The following TMEM132D variants were observed in gnomAD, a reference collection of about 807,000 sequenced individuals.
The protein encoded by TMEM132D is mature OL transmembrane protein.
Under a neutral mutation model 62.3 loss-of-function variants are expected in TMEM132D, and 21 were observed. The ratio of observed to expected loss-of-function variants is 0.34; its 90% CI spans 0.24 to 0.49. The LOEUF (loss-of-function observed/expected upper bound fraction) is 0.49, where lower values mean the gene tolerates loss of function less well. Ranked by LOEUF, TMEM132D falls within the 20% of genes least tolerant of loss-of-function variation. The pLI is 0.99. For missense variants in TMEM132D, 1,346 were observed against 1,402.8 expected, an observed-to-expected ratio of 0.96 and a Z score of 0.65; for synonymous variants, 621 against 575.6, an observed-to-expected ratio of 1.08 and a Z score of -1.13.
At position 129,903,999 on chromosome 12, in the gene TMEM132D, C is replaced by T. The variant is rs1043034245; in HGVS notation, c.-660G>A. 4.7e-5 allele frequency among the ~76,000 whole-genome samples: 7 copies of T among 149,616 alleles called. No homozygotes were observed. The highest frequency in any genetic ancestry group is 9.0e-5 in the Non-Finnish European group (6 of 66,998). On this transcript the variant is annotated 5_prime_UTR_variant, in exon 1 of 9. Coordinates refer to ENST00000422113, the MANE Select transcript of TMEM132D (RefSeq NM_133448.3). This position sits in a 1 kb window ranked among gnomAD's most constrained non-coding sequence, Gnocchi z 6.2. ...CGGCCCCGGGCCCGGCTGGGGCTCG[C>T]GGGGCTCTACGCGCGCCGAGCGCAC...
intron 2 of TMEM132D, among the ~76,000 whole-genome samples, chr12:129,671,047 T>C (rs1172646219): frequency 6.6e-6 from 1 of 152,242 alleles, no homozygotes; most frequent in Non-Finnish European, 1.5e-5. Context: ...TTCTTCTGTT[T>C]TGAGTGAGGA....
chr12:129,502,372 C>G (rs1390245176), intron 3 of TMEM132D, among the ~76,000 whole-genome samples: 3 of 152,176 alleles, frequency 2.0e-5, no homozygotes. Flanking sequence ...CAGACAATAG[C>G]TTCTCAATTA....
intron 5 of TMEM132D, among the ~76,000 whole-genome samples, chr12:129,185,792 TATCTATCTATCTATCTATC>T (rs1280939981): frequency 6.0e-5 from 8 of 133,780 alleles, no homozygotes; most frequent in East Asian, 5.7e-4. Flanking sequence ...TCTATCTATC[TATCTATCTATCTATCTATC>T]ATCTATCTAT....
chr12:129,566,558 A>G (rs1462208932), intron 2 of TMEM132D, among the ~76,000 whole-genome samples: 1 of 152,196 alleles, frequency 6.6e-6, no homozygotes, highest in Non-Finnish European at 1.5e-5. Context: ...TAGCAATAAG[A>G]TATCAATGTG....
At chr12:129,443,814 C>T (rs751028521) in intron 3 of TMEM132D, among the ~76,000 whole-genome samples, 14 of 152,158 alleles carry the variant, frequency 9.2e-5, no homozygotes, top group Non-Finnish European at 1.9e-4. Context: ...GATCAATACA[C>T]GTTTCACATT....
intron 2 of TMEM132D, among the ~76,000 whole-genome samples, chr12:129,644,819 A>C (rs1301821000): frequency 1.5e-5 from 2 of 133,620 alleles, no homozygotes; most frequent in African/African-American, 5.4e-5. Flanking sequence ...TCTACTAAAA[A>C]TACAAAAAAA....
At chr12:129,508,654 T>C (rs953752311) in intron 3 of TMEM132D, among the ~76,000 whole-genome samples, 2 of 152,150 alleles carry the variant, frequency 1.3e-5, no homozygotes, top group Non-Finnish European at 2.9e-5. Flanking sequence ...CTCACCAGAT[T>C]ATTATAAAAA....
chr12:129,883,742 C>T (rs550243231), intron 1 of TMEM132D, among the ~76,000 whole-genome samples: 16 of 152,158 alleles, frequency 1.1e-4, no homozygotes, highest in Non-Finnish European at 2.4e-4. Flanking sequence ...GTATATCTAC[C>T]ATATACGGTC....
At chr12:129,789,024 G>A (rs908573100) in intron 1 of TMEM132D, among the ~76,000 whole-genome samples, 1 of 152,170 alleles carries the variant, frequency 6.6e-6, no homozygotes, top group Non-Finnish European at 1.5e-5. Context: ...TCTAAACCCC[G>A]TGGTTGCAAA....
At chr12:129,555,963 A>C (rs1451552008) in intron 2 of TMEM132D, among the ~76,000 whole-genome samples, 1 of 152,192 alleles carries the variant, frequency 6.6e-6, no homozygotes, top group Non-Finnish European at 1.5e-5. Context: ...GGACATACAC[A>C]TCAAATTTGA....
chr12:129,759,631 A>G (rs1351051750), intron 1 of TMEM132D, among the ~76,000 whole-genome samples: 1 of 152,220 alleles, frequency 6.6e-6, no homozygotes, highest in East Asian at 1.9e-4. Context: ...ATATTCCATC[A>G]TTCAATATAT....
At chr12:129,626,804 T>G (rs1425585631) in intron 2 of TMEM132D, among the ~76,000 whole-genome samples, 2 of 152,164 alleles carry the variant, frequency 1.3e-5, no homozygotes, top group Admixed American at 6.5e-5. Context: ...TGTTTTTTAT[T>G]TTTAATTTTC....
intron 2 of TMEM132D, among the ~76,000 whole-genome samples, chr12:129,544,173 G>A (rs2137100204): frequency 6.6e-6 from 1 of 152,270 alleles, no homozygotes; most frequent in Non-Finnish European, 1.5e-5. Flanking sequence ...ATTTCATTAA[G>A]TCTGAGTGGT....
intron 3 of TMEM132D, among the ~76,000 whole-genome samples, chr12:129,351,843 T>G (rs895177137): frequency 1.3e-5 from 2 of 152,200 alleles, no homozygotes; most frequent in African/African-American, 4.8e-5. Context: ...TGTTGGAACT[T>G]GGAGTTAAGA....
At chr12:129,167,158 TAA>T (rs758480068) in intron 5 of TMEM132D, among the ~76,000 whole-genome samples, 1 of 97,742 alleles carries the variant, frequency 1.0e-5, no homozygotes, top group Admixed American at 9.9e-5. Flanking sequence ...AGACTCTGTT[TAA>T]AAAAAAAAAA....
intron 3 of TMEM132D, among the ~76,000 whole-genome samples, chr12:129,445,181 G>C (rs1873060197): frequency 6.6e-6 from 1 of 152,116 alleles, no homozygotes; most frequent in Admixed American, 6.5e-5. Flanking sequence ...AGAGCTGGAG[G>C]CCATTATCCT....
chr12:129,263,834 T>C (rs1880616278), intron 4 of TMEM132D, among the ~76,000 whole-genome samples: 1 of 151,914 alleles, frequency 6.6e-6, no homozygotes, highest in Non-Finnish European at 1.5e-5. Flanking sequence ...AAAGGAAGTG[T>C]CTGAATGTGA....
chr12:129,319,219 T>C (rs573279879), intron 4 of TMEM132D, among the ~76,000 whole-genome samples: 1 of 152,300 alleles, frequency 6.6e-6, no homozygotes, highest in South Asian at 2.1e-4. Context: ...TCCCCATAGA[T>C]CCTTGTGGTG....
chr12:129,650,671 T>C (rs1375624129), intron 2 of TMEM132D, among the ~76,000 whole-genome samples: 6 of 152,350 alleles, frequency 3.9e-5, no homozygotes, highest in African/African-American at 9.6e-5. Context: ...AAATGGTACT[T>C]TGGCGTGACT....
Sources: gnomAD v4.1 joint callset for allele counts (sites outside exome capture counted in the v4.1 genomes callset) on GRCh38, gnomAD v4.1.1 for gene constraint, Gnocchi (gnomAD v3.1) non-coding constraint, MANE v1.5 for transcripts, NCBI Gene and HGNC (gene_info 2026-07-23, HGNC 2026-07-21) for gene names.